The following MTSS2 variants were observed in gnomAD, a reference collection of about 807,000 sequenced individuals.
The protein encoded by MTSS2 is MTSS I-BAR domain containing 2.
Under a neutral mutation model 67.1 loss-of-function variants are expected in MTSS2, and 27 were observed. The observed-to-expected ratio is 0.40, with a 90% CI of 0.30 to 0.55. MTSS2 has a LOEUF of 0.55. Ranked by LOEUF, MTSS2 falls within the 20% of genes least tolerant of loss-of-function variation. The probability of loss-of-function intolerance (pLI) is 0.43; values close to 1 mark genes in which losing one functional copy is unlikely to be tolerated. For missense variants in MTSS2, 1,171 were observed against 1,067.8 expected (o/e 1.10, Z -1.35); for synonymous variants, 624 against 468.6 (o/e 1.33, Z -4.28).
intron 10 of MTSS2, among the ~76,000 whole-genome samples, chr16:70,674,933 C>T (rs535334244): frequency 4.6e-5 from 7 of 152,102 alleles, no homozygotes; most frequent in South Asian, 4.2e-4. Context: ...GAGAACATAG[C>T]GAAACCCCAT....
chr16:70,679,837 T>G lies in MTSS2; in HGVS notation c.331A>C (p.Ile111Leu), dbSNP rs2142896051. ...ESLINPLQER[I>L]EDWKKAANQL... ...TTGGCCGCCTTCTTCCAGTCCTCGATGCGCTCCTGCAGCGGGTTGATGAGG... is the reference window on the plus strand; with the variant it reads ...TTGGCCGCCTTCTTCCAGTCCTCGAGGCGCTCCTGCAGCGGGTTGATGAGG... Residue 111 changes from isoleucine to leucine, a missense_variant, in exon 5 of 15, where the codon ATC (isoleucine) becomes CTC (leucine). Ile to Leu is a conservative substitution (Grantham distance 5, BLOSUM62 2). This residue lies in a region of MTSS2 where 247 missense variants were observed against 311.8 expected (regional missense o/e 0.79). Coordinates refer to ENST00000338779, the MANE Select transcript of MTSS2 (RefSeq NM_138383.3). The G allele has an allele frequency of 6.2e-7, 1 of 1,606,592 alleles. No individual in the cohort carries two copies. The highest frequency in any genetic ancestry group is 1.1e-5 in the South Asian group (1 of 90,958).
At position 70,664,433 on chromosome 16, in the gene MTSS2, G is replaced by A. The variant is rs748403756; in HGVS notation, c.1488C>T (p.Cys496=). ...TIPSQGSDYD[C]YSVNGDADSE... is the part of the protein sequence containing the mutation. ...TGTCCGCATCCCCATTCACGGAGTAGCAGTCGTAGTCGGAGCCTGGGGGCA... is the reference window on the plus strand; with the variant it reads ...TGTCCGCATCCCCATTCACGGAGTAACAGTCGTAGTCGGAGCCTGGGGGCA... The change falls in exon 15 of 15, where the codon TGC becomes TGT. Residue 496 remains cysteine (C), a synonymous_variant. Transcript: ENST00000338779. 1 of 1,542,008 alleles carries A rather than the reference G, an allele frequency of 6.5e-7. No homozygotes were observed. The highest frequency in any genetic ancestry group is 2.0e-5 in the Admixed American group (1 of 49,334).
intron 11 of MTSS2, among the ~76,000 whole-genome samples, chr16:70,672,114 G>T (rs911530004): frequency 6.6e-6 from 1 of 152,078 alleles, no homozygotes; most frequent in African/African-American, 2.4e-5. Flanking sequence ...TTGGGAGGCC[G>T]AAGTGGGCAG....
chr16:70,667,734 G>T (rs763947527), intron 11 of MTSS2, among the ~76,000 whole-genome samples: 1 of 152,052 alleles, frequency 6.6e-6, no homozygotes, highest in African/African-American at 2.4e-5. Flanking sequence ...TTAGCCCGGC[G>T]TGGTGGTACA....
rs1263804630 is a variant in MTSS2 at position 70,663,585 on chromosome 16, T to C, written c.*92A>G. ...GCCTCTGCCCTGGCTCTGTCCTCTC[T>C]CCTGGCTGGGCCTTTGCTCTGAGTG... On this transcript the variant is annotated 3_prime_UTR_variant, in exon 15 of 15. Coordinates refer to ENST00000338779, the MANE Select transcript of MTSS2 (RefSeq NM_138383.3). The C allele has an allele frequency of 1.7e-5, 25 of 1,451,442 alleles. No individual in the cohort carries two copies. Among genetic ancestry groups the C allele is most frequent in the Admixed American group, 1.1e-4 (4 of 36,168 alleles). 89.9% of individuals were successfully genotyped at this position (1,451,442 alleles called of 1,614,324 possible).
At chr16:70,674,559 C>T (rs372416793) in intron 10 of MTSS2, 31 bp from the exon 11 acceptor site, 2 of 1,594,496 alleles carry the variant, frequency 1.3e-6, no homozygotes, top group African/African-American at 2.7e-5. Flanking sequence ...GGCACAGCAG[C>T]CAGACAGGGA....
Position 70,661,493 on chromosome 16 carries a change from C to T in MTSS2, c.*2184G>A, listed in dbSNP as rs933860440. On this transcript the variant is annotated 3_prime_UTR_variant, in exon 15 of 15. Transcript: ENST00000338779. ...CAGGAAAGTTACTTCAGTCAAAAGA[C>T]GCTTTTGAAAAGAATATTTCTCCGT... is the stretch of plus-strand genomic sequence containing the variant. The T allele has an allele frequency of 4.3e-5, 15 of 350,494 alleles. No individual in the cohort carries two copies. The highest frequency in any genetic ancestry group is 2.3e-4 in the Admixed American group (6 of 25,892). 21.7% of individuals were successfully genotyped at this position (350,494 alleles called of 1,614,324 possible).
intron 1 of MTSS2, among the ~76,000 whole-genome samples, chr16:70,683,661 A>G (rs2053368112): frequency 6.6e-6 from 1 of 152,316 alleles, no homozygotes; most frequent in South Asian, 2.1e-4. Context: ...CGCTCAGCCC[A>G]AGGTCAGGGC....
chr16:70,676,042 G>T (rs1195386962), intron 10 of MTSS2, among the ~76,000 whole-genome samples: 1 of 152,248 alleles, frequency 6.6e-6, no homozygotes, highest in Non-Finnish European at 1.5e-5. Context: ...GGTCTGAAGA[G>T]CCTCTCTCTG....
At chr16:70,666,640 C>T (rs550219133) in intron 11 of MTSS2, among the ~76,000 whole-genome samples, 1 of 152,186 alleles carries the variant, frequency 6.6e-6, no homozygotes, top group East Asian at 1.9e-4. Context: ...CCAAGATCAC[C>T]AAAATAAAAG....
At chr16:70,679,570 G>C (rs150845639) in intron 6 of MTSS2, 60 bp downstream of exon 6, 3 of 1,502,074 alleles carry the variant, frequency 2.0e-6, no homozygotes. Flanking sequence ...GCCCCACGGG[G>C]CGGTGGGGCT....
intron 11 of MTSS2, among the ~76,000 whole-genome samples, chr16:70,672,494 A>C (rs2052973576): frequency 6.6e-6 from 1 of 152,060 alleles, no homozygotes; most frequent in Non-Finnish European, 1.5e-5. Flanking sequence ...TACCAGTGTT[A>C]ATTTCTTGGT....
chr16:70,684,993 G>A (rs2053408486), intron 1 of MTSS2, among the ~76,000 whole-genome samples: 1 of 152,216 alleles, frequency 6.6e-6, no homozygotes, highest in Non-Finnish European at 1.5e-5. Flanking sequence ...GTTGGATCCA[G>A]CCTGACCTTA....
At chr16:70,671,902 A>G (rs1567494464) in intron 11 of MTSS2, among the ~76,000 whole-genome samples, 2 of 152,248 alleles carry the variant, frequency 1.3e-5, no homozygotes, top group Non-Finnish European at 2.9e-5. Flanking sequence ...TTCTGAATGA[A>G]AAGGCATCAG....
chr16:70,685,097 C>T (rs942482725), intron 1 of MTSS2, among the ~76,000 whole-genome samples: 2 of 151,798 alleles, frequency 1.3e-5, no homozygotes, highest in Non-Finnish European at 2.9e-5. Flanking sequence ...CCACCGACCC[C>T]AACCTTCATC....
intron 11 of MTSS2, among the ~76,000 whole-genome samples, chr16:70,670,711 C>A (rs573283108): frequency 6.6e-5 from 10 of 152,184 alleles, no homozygotes; most frequent in African/African-American, 2.4e-4. Context: ...TGCCTGAAAT[C>A]CCAGTGATTT....
At chr16:70,680,918 G>GGGC (rs2053285984) in intron 2 of MTSS2, 46 bp downstream of exon 2, 1 of 1,097,888 alleles carries the variant, frequency 9.1e-7, no homozygotes, top group Non-Finnish European at 1.3e-6. Context: ...CGGGGGGGGG[G>GGGC]CCTCTGCCTG....
At chr16:70,666,796 C>CAA (rs927935435) in intron 11 of MTSS2, among the ~76,000 whole-genome samples, 2 of 152,150 alleles carry the variant, frequency 1.3e-5, no homozygotes, top group African/African-American at 4.8e-5. Context: ...AAAAACAATA[C>CAA]AAAGACACAA....
Position 70,685,773 on chromosome 16 carries a change from CCTT to C in MTSS2, c.16_18del (p.Lys6del), listed in dbSNP as rs1419987116. On this transcript the variant is annotated inframe_deletion, in exon 1 of 15. Coordinates refer to ENST00000338779, the MANE Select transcript of MTSS2 (RefSeq NM_138383.3). ...AAGAGCCCGCCCAGGGCGCCGCACT[CCTT>C]CTCCGCCGTCTCCATGCTCTGGCTG... is the stretch of plus-strand genomic sequence containing the variant. The C allele has an allele frequency of 1.0e-5, 14 of 1,386,842 alleles. No homozygotes were observed. Among genetic ancestry groups the C allele is most frequent in the African/African-American group, 3.0e-5 (2 of 66,222 alleles). 85.9% of individuals were successfully genotyped at this position (1,386,842 alleles called of 1,614,324 possible). A position where few individuals can be genotyped will look rare whatever the true frequency, so the allele number is the denominator to read the frequency against.
Sources: allele counts gnomAD v4.1 joint callset (sites outside exome capture counted in the v4.1 genomes callset), GRCh38; gene constraint gnomAD v4.1.1; regional missense constraint gnomAD v4.1.1; transcripts MANE v1.5; gene names NCBI Gene and HGNC (gene_info 2026-07-23, HGNC 2026-07-21).